Variants in TSC22D2 observed in about 807,000 individuals in gnomAD.
TSC22D2 encodes the protein TSC22 domain family member 2.
A neutral mutation model predicts 50.1 loss-of-function variants in TSC22D2; 5 were observed. The observed-to-expected ratio is 0.10, with a 90% CI of 0.05 to 0.21. The LOEUF is 0.21. Ranked by LOEUF, TSC22D2 falls within the 10% of genes least tolerant of loss-of-function variation. The pLI, the probability that TSC22D2 is intolerant of heterozygous loss-of-function variation, is 1.00. For synonymous variants in TSC22D2, 501 were observed against 450.1 expected (o/e 1.11, Z -1.43); for missense variants, 1,003 against 1,015.5 (o/e 0.99, Z 0.17).
In TSC22D2 at chr3:150,409,751, C is replaced by T; in HGVS notation, c.401C>T (p.Pro134Leu). Residue 134 changes from proline (P) to leucine (L), a missense_variant, in exon 1 of 3, where the codon CCC (proline) becomes CTC (leucine). By Grantham distance (98) the Pro-to-Leu change is moderately conservative (BLOSUM62 -3). Transcript: ENST00000688009. This position sits in a 1 kb window ranked among gnomAD's most constrained non-coding sequence, Gnocchi z 7.4. Reference protein sequence around the residue: ...AATSAPAPGAPGGPQLAGSSA... With the variant: ...AATSAPAPGALGGPQLAGSSA... ...ACTTCGGCCCCCGCCCCCGGAGCAC[C>T]CGGCGGCCCCCAGCTCGCGGGCTCA... The T allele has an allele frequency of 6.2e-7, 1 of 1,601,660 alleles. No individual in the cohort carries two copies. The highest frequency in any genetic ancestry group is 8.5e-7 in the Non-Finnish European group (1 of 1,178,370).
At chr3:150,423,124 T>C (rs1349322692) in intron 1 of TSC22D2, 1 of 1,609,080 alleles carries the variant, frequency 6.2e-7, no homozygotes. Flanking sequence ...GGGATAGGTA[T>C]GAATACTTAC....
chr3:150,446,190 C>T (rs1720882149), intron 1 of TSC22D2, among the ~76,000 whole-genome samples: 1 of 151,594 alleles, frequency 6.6e-6, no homozygotes, highest in Non-Finnish European at 1.5e-5. Flanking sequence ...TTTGCTTAGA[C>T]AACTGCTGAG....
intron 1 of TSC22D2, among the ~76,000 whole-genome samples, chr3:150,414,482 G>C (rs1719725159): frequency 6.6e-6 from 1 of 152,132 alleles, no homozygotes; most frequent in Admixed American, 6.5e-5. Flanking sequence ...CCGCATTCCA[G>C]GAACTCTTAT....
chr3:150,441,048 T>TA (rs1187893518), intron 1 of TSC22D2, among the ~76,000 whole-genome samples: 1 of 148,724 alleles, frequency 6.7e-6, no homozygotes, highest in Non-Finnish European at 1.5e-5. Context: ...ATATATATAT[T>TA]AAAAAATATA....
chr3:150,436,014 TTTAG>T (rs1452456040), intron 1 of TSC22D2, among the ~76,000 whole-genome samples: 1 of 152,148 alleles, frequency 6.6e-6, no homozygotes, highest in Non-Finnish European at 1.5e-5. Flanking sequence ...CTGTAACTAC[TTTAG>T]TTACCCAATT....
At chr3:150,411,981 G>A (rs1719592153) in intron 1 of TSC22D2, among the ~76,000 whole-genome samples, 1 of 152,114 alleles carries the variant, frequency 6.6e-6, no homozygotes, top group Non-Finnish European at 1.5e-5. Context: ...ATTTATTATA[G>A]GAAAGGGAGG....
intron 1 of TSC22D2, among the ~76,000 whole-genome samples, chr3:150,414,458 G>A (rs1719723626): frequency 6.6e-6 from 1 of 152,186 alleles, no homozygotes; most frequent in Non-Finnish European, 1.5e-5. Flanking sequence ...GCCAACCAAT[G>A]TGAACTCTGT....
At chr3:150,414,151 A>G (rs1719704487) in intron 1 of TSC22D2, among the ~76,000 whole-genome samples, 1 of 152,242 alleles carries the variant, frequency 6.6e-6, no homozygotes, top group South Asian at 2.1e-4. Context: ...AAAGTTCTCA[A>G]TTAGCATTGC....
chr3:150,410,837 C>T lies in TSC22D2; in HGVS notation c.1487C>T (p.Pro496Leu). Residue 496 changes from proline to leucine, a missense_variant, in exon 1 of 3, where the codon CCT (proline) becomes CTT (leucine). Physicochemically the swap from Pro to Leu is moderately conservative, Grantham distance 98. Transcript: ENST00000688009. The part of the protein sequence containing the change: ...MGGSGPLSAV[P>L]GGPHAVVPGV... ...GGCAGTGGTCCGCTGTCAGCCGTAC[C>T]TGGTGGCCCTCACGCCGTGGTGCCC... 6.2e-7 allele frequency: 1 copy of T among 1,613,790 alleles called. No individual in the cohort carries two copies. The highest frequency in any genetic ancestry group is 8.5e-7 in the Non-Finnish European group (1 of 1,180,024).
At chr3:150,440,618 A>C (rs1428502094) in intron 1 of TSC22D2, among the ~76,000 whole-genome samples, 2 of 141,216 alleles carry the variant, frequency 1.4e-5, no homozygotes, top group African/African-American at 5.2e-5. Flanking sequence ...TTGCATGTAA[A>C]ACCCTTATTA....
At chr3:150,439,501 C>G (rs1424440915) in intron 1 of TSC22D2, among the ~76,000 whole-genome samples, 2 of 152,210 alleles carry the variant, frequency 1.3e-5, no homozygotes, top group South Asian at 2.1e-4. Context: ...TCTTTATTTT[C>G]TATAATCTAC....
In TSC22D2 at chr3:150,409,208, G is replaced by C. The variant is rs957517083; in HGVS notation, c.-143G>C. On this transcript the variant is annotated 5_prime_UTR_variant, in exon 1 of 3. Transcript: ENST00000688009. The surrounding 1 kb of genome is among the most constrained non-coding windows in gnomAD (Gnocchi z 7.4). ...CACCGGGCGGCCAGCGCCTGGATCA[G>C]CCCGTGACTCTTAACAGCGGCGGGC... 5 of 941,566 alleles carry C rather than the reference G, an allele frequency of 5.3e-6. No homozygotes were observed. In the African/African-American group the frequency reaches 6.6e-5, roughly 12 times the overall value. The allele number at this position is 941,566 out of a possible 1,614,324, so 58.3% of individuals were successfully genotyped here. A position where few individuals can be genotyped will look rare whatever the true frequency, so the allele number is the denominator to read the frequency against.
chr3:150,458,083 T>C (rs1721249161), intron 2 of TSC22D2, among the ~76,000 whole-genome samples: 1 of 152,000 alleles, frequency 6.6e-6, no homozygotes, highest in Admixed American at 6.5e-5. Flanking sequence ...ATTTTAAGCA[T>C]GTGATTTTAA....
chr3:150,409,284 C>A lies in TSC22D2; in HGVS notation c.-67C>A. The A allele has an allele frequency of 6.6e-7, 1 of 1,509,798 alleles. No homozygotes were observed. The allele number at this position is 1,509,798 out of a possible 1,614,324, so 93.5% of individuals were successfully genotyped here. A position where few individuals can be genotyped will look rare whatever the true frequency, so the allele number is the denominator to read the frequency against. On this transcript the variant is annotated 5_prime_UTR_variant, in exon 1 of 3. Coordinates refer to ENST00000688009, the MANE Select transcript of TSC22D2 (RefSeq NM_001303264.2). The surrounding 1 kb of genome is among the most constrained non-coding windows in gnomAD (Gnocchi z 7.4). ...TTTGTCTTTGGGGGCCCGTGCTCTGCCCTCCCCGGTTTCCGACAGGACCCA... is the reference window on the plus strand; with the variant it reads ...TTTGTCTTTGGGGGCCCGTGCTCTGACCTCCCCGGTTTCCGACAGGACCCA...
At chr3:150,417,803 C>T (rs530055721) in intron 1 of TSC22D2, among the ~76,000 whole-genome samples, 19 of 152,018 alleles carry the variant, frequency 1.2e-4, no homozygotes, top group Middle Eastern at 3.4e-3. Context: ...AATATGAAAG[C>T]GTAATTGTAT....
In TSC22D2 at chr3:150,458,544, A is replaced by T; in HGVS notation, c.2179A>T (p.Asn727Tyr). The change falls in exon 3 of 3, where the codon AAT becomes TAT. Residue 727 changes from asparagine (N) to tyrosine (Y), a missense_variant. Asn to Tyr is a moderately radical substitution (Grantham distance 143). This residue lies in a region of TSC22D2 where 54 missense variants were observed against 51.4 expected (regional missense o/e 1.05). Coordinates refer to ENST00000688009, the MANE Select transcript of TSC22D2 (RefSeq NM_001303264.2). The part of the protein sequence containing the change: ...QLSQLPTQQA[N>Y]PGSTSQQQAV... ...ATCCCAACTCCCAACCCAACAGGCC[A>T]ATCCTGGTAGCACTTCTCAACAGCA... 6.2e-7 allele frequency: 1 copy of T among 1,614,206 alleles called. No individual in the cohort carries two copies. The highest frequency in any genetic ancestry group is 8.5e-7 in the Non-Finnish European group (1 of 1,180,040).
At chr3:150,432,921 A>G (rs1194312472) in intron 1 of TSC22D2, among the ~76,000 whole-genome samples, 1 of 152,170 alleles carries the variant, frequency 6.6e-6, no homozygotes, top group Non-Finnish European at 1.5e-5. Flanking sequence ...GTGTGCATAA[A>G]CATGCTGATA....
At chr3:150,427,725 T>C (rs577093099) in intron 1 of TSC22D2, among the ~76,000 whole-genome samples, 98 of 152,100 alleles carry the variant, frequency 6.4e-4, no homozygotes, top group Non-Finnish European at 1.1e-3. Context: ...CTAAAAATTA[T>C]AGCATAGCTT....
At chr3:150,454,947 C>T (rs918974391) in intron 1 of TSC22D2, among the ~76,000 whole-genome samples, 1 of 151,612 alleles carries the variant, frequency 6.6e-6, no homozygotes, top group African/African-American at 2.4e-5. Context: ...TTCTAAAACT[C>T]GCTGACTGAT....
Sources: allele counts gnomAD v4.1 joint callset (sites outside exome capture counted in the v4.1 genomes callset), GRCh38; gene constraint gnomAD v4.1.1; regional missense constraint gnomAD v4.1.1; non-coding constraint Gnocchi (gnomAD v3.1); transcripts MANE v1.5; gene names NCBI Gene and HGNC (gene_info 2026-07-23, HGNC 2026-07-21).